Variants in CSMD1 observed in about 807,000 individuals in gnomAD.
CSMD1 encodes the protein CUB and Sushi multiple domains 1, also known as CUB and sushi domain-containing protein 1.
CSMD1 carries 213 observed loss-of-function variants against 417.5 expected under a neutral mutation model. That is an observed-to-expected ratio of 0.51 (90% CI 0.46 to 0.57). The LOEUF (loss-of-function observed/expected upper bound fraction) is 0.57. CSMD1 is among the 20% of genes least tolerant of loss of function. CSMD1 has a pLI of 0.00. For synonymous variants in CSMD1, 2,862 were observed against 1,736.8 expected, an observed-to-expected ratio of 1.65 and a Z score of -16.11; for missense variants, 6,923 against 4,529.7, an observed-to-expected ratio of 1.53 and a Z score of -15.17.
At chr8:3,797,922 G>C (rs560346572) in intron 5 of CSMD1, among the ~76,000 whole-genome samples, 1 of 152,078 alleles carries the variant, frequency 6.6e-6, no homozygotes, top group South Asian at 2.1e-4. Context: ...ATTTGATATT[G>C]TCAAGTTTTG....
In CSMD1 at chr8:4,606,339, T is replaced by C. The variant is rs146614073; in HGVS notation, c.302+31003A>G. Among the ~76,000 whole-genome samples, 1,141 of 151,692 alleles carry C rather than the reference T, an allele frequency of 7.5e-3. 14 individuals carry two copies. The highest frequency in any genetic ancestry group is 0.025 in the African/African-American group (1,022 of 41,314). On this transcript the variant is annotated intron_variant, in intron 2 of 69. Transcript: ENST00000635120. ...TCTTTGTGGACTGGGAAGAAAACAG[T>C]CAAGGAAACAGGGAGAGAAAAAAAA...
At chr8:4,043,825 T>C (rs146056598) in intron 3 of CSMD1, among the ~76,000 whole-genome samples, 3 of 152,304 alleles carry the variant, frequency 2.0e-5, no homozygotes, top group East Asian at 1.9e-4. Context: ...AAATGAGGCA[T>C]CATTATTCCA....
intron 12 of CSMD1, among the ~76,000 whole-genome samples, chr8:3,455,895 C>A (rs1441053232): frequency 6.6e-6 from 1 of 152,202 alleles, no homozygotes; most frequent in African/African-American, 2.4e-5. Flanking sequence ...TTTGGCTATG[C>A]CCTGCCCCCA....
At chr8:3,291,011 T>G (rs899117890) in intron 25 of CSMD1, among the ~76,000 whole-genome samples, 1 of 152,146 alleles carries the variant, frequency 6.6e-6, no homozygotes, top group Non-Finnish European at 1.5e-5. Context: ...CAACACCTAA[T>G]TTTTTGAGAG....
intron 1 of CSMD1, among the ~76,000 whole-genome samples, chr8:4,711,773 G>GT (rs1310327301): frequency 1.3e-5 from 2 of 151,996 alleles, no homozygotes; most frequent in Non-Finnish European, 2.9e-5. Context: ...GTTTGCTTTT[G>GT]TTTTTTGTTT....
chr8:3,394,505 T>C (rs1811565756), intron 17 of CSMD1, among the ~76,000 whole-genome samples: 1 of 152,034 alleles, frequency 6.6e-6, no homozygotes, highest in Non-Finnish European at 1.5e-5. Flanking sequence ...CATCTACAGC[T>C]ACAGAAATAC....
intron 2 of CSMD1, among the ~76,000 whole-genome samples, chr8:4,448,862 T>A (rs537723691): frequency 6.6e-6 from 1 of 152,198 alleles, no homozygotes; most frequent in Non-Finnish European, 1.5e-5. Context: ...CTGATGTGTA[T>A]CCAATTCTCT....
At position 3,984,702 on chromosome 8, in the gene CSMD1, A is replaced by ATCAT. The variant is rs1467134590; in HGVS notation, c.818+13197_818+13200dup. Among the ~76,000 whole-genome samples, 188 of 74,314 alleles carry ATCAT rather than the reference A, an allele frequency of 2.5e-3. 21 individuals are homozygous for ATCAT. The highest frequency in any genetic ancestry group is 3.1e-3 in the Admixed American group (19 of 6,200). 48.8% of individuals were successfully genotyped at this position (74,314 alleles called of 152,430 possible). A position where few individuals can be genotyped will look rare whatever the true frequency, so the allele number is the denominator to read the frequency against. ...TATGGGTTCAGGATTCAGTGTATAT[A>ATCAT]TCATATATATATATATATATATATA... On this transcript the variant is annotated intron_variant, in intron 5 of 69. Transcript: ENST00000635120.
At chr8:4,961,065 T>A (rs1005256144) in intron 1 of CSMD1, among the ~76,000 whole-genome samples, 6 of 152,160 alleles carry the variant, frequency 3.9e-5, no homozygotes, top group African/African-American at 1.4e-4. Context: ...GTCACTACAC[T>A]TTGGAGTAAA....
Position 4,445,909 on chromosome 8 carries a change from G to A in CSMD1, c.303-25844C>T, listed in dbSNP as rs115224422. Among the ~76,000 whole-genome samples, 940 of 152,282 alleles carry A rather than the reference G, an allele frequency of 6.2e-3. 4 individuals carry two copies. Among genetic ancestry groups the A allele is most frequent in the African/African-American group, 0.018 (748 of 41,562 alleles). On this transcript the variant is annotated intron_variant, in intron 2 of 69. Transcript: ENST00000635120. ...GAGGAGAGAGCACGGATGCAGGGAC[G>A]TGACCTGGGCCTTTCAGCTGGTCAG...
intron 5 of CSMD1, among the ~76,000 whole-genome samples, chr8:3,788,334 A>G (rs948242766): frequency 3.3e-5 from 5 of 152,184 alleles, no homozygotes; most frequent in African/African-American, 7.2e-5. Context: ...GATGGGCTTT[A>G]GGTACCCTGA....
intron 3 of CSMD1, among the ~76,000 whole-genome samples, chr8:4,109,858 T>G (rs953882767): frequency 2.2e-4 from 33 of 151,880 alleles, no homozygotes; most frequent in African/African-American, 7.7e-4. Context: ...AAGGGAGAGG[T>G]CCAAGACAGT....
At chr8:3,983,729 T>G (rs1020489872) in intron 5 of CSMD1, among the ~76,000 whole-genome samples, 1 of 152,230 alleles carries the variant, frequency 6.6e-6, no homozygotes, top group Non-Finnish European at 1.5e-5. Flanking sequence ...TATGGTTAGA[T>G]GTTCCCCTAG....
At chr8:4,297,615 G>A (rs542499853) in intron 3 of CSMD1, among the ~76,000 whole-genome samples, 3 of 152,100 alleles carry the variant, frequency 2.0e-5, no homozygotes, top group Non-Finnish European at 1.5e-5. Context: ...AAGATAGCCT[G>A]AAATTGAACT....
At chr8:3,329,131 G>A (rs1336216423) in intron 23 of CSMD1, among the ~76,000 whole-genome samples, 1 of 152,174 alleles carries the variant, frequency 6.6e-6, no homozygotes, top group African/African-American at 2.4e-5. Flanking sequence ...GGAGGTGGAA[G>A]ATATGTAATT....
intron 49 of CSMD1, among the ~76,000 whole-genome samples, chr8:3,057,328 A>G (rs1177831413): frequency 6.6e-6 from 1 of 152,192 alleles, no homozygotes; most frequent in East Asian, 1.9e-4. Flanking sequence ...CACGCAAAAC[A>G]TTATGTTTGT....
chr8:3,884,425 C>G (rs544465898), intron 5 of CSMD1, among the ~76,000 whole-genome samples: 2 of 152,238 alleles, frequency 1.3e-5, no homozygotes, highest in Admixed American at 6.5e-5. Flanking sequence ...TTACAAGGGA[C>G]ACAGAAAGAC....
intron 2 of CSMD1, among the ~76,000 whole-genome samples, chr8:4,494,011 G>A (rs1801855440): frequency 6.6e-6 from 1 of 152,180 alleles, no homozygotes; most frequent in Non-Finnish European, 1.5e-5. Flanking sequence ...AGATATAGGA[G>A]AAGACCTCAG....
intron 3 of CSMD1, among the ~76,000 whole-genome samples, chr8:4,205,437 T>G (rs1188891993): frequency 2.6e-5 from 4 of 152,246 alleles, no homozygotes; most frequent in African/African-American, 4.8e-5. Flanking sequence ...TGATATTTAT[T>G]TCATGATGCG....
Sources: gnomAD v4.1 joint callset for allele counts (sites outside exome capture counted in the v4.1 genomes callset) on GRCh38, gnomAD v4.1.1 for gene constraint, MANE v1.5 for transcripts, NCBI Gene and HGNC (gene_info 2026-07-23, HGNC 2026-07-21) for gene names.